Variants in ITPR1 observed in about 807,000 individuals in gnomAD.
The protein encoded by ITPR1 is inositol 1,4,5-trisphosphate receptor type 1.
ITPR1 carries 96 observed loss-of-function variants against 318.4 expected under a neutral mutation model. The ratio of observed to expected loss-of-function variants is 0.30; its 90% CI spans 0.26 to 0.36. The LOEUF (loss-of-function observed/expected upper bound fraction) is 0.36. Among genes scored for constraint, ITPR1 ranks in the 10% least tolerant of loss-of-function variants. The probability of loss-of-function intolerance (pLI) is 1.00; values close to 1 mark genes in which losing one functional copy is unlikely to be tolerated. For synonymous variants in ITPR1, 1,312 were observed against 1,289.9 expected, an observed-to-expected ratio of 1.02 and a Z score of -0.37; for missense variants, 2,440 against 3,460.2, an observed-to-expected ratio of 0.71 and a Z score of 7.40.
At chr3:4,711,036 A>G (rs1235484161) in intron 38 of ITPR1, among the ~76,000 whole-genome samples, 1 of 151,780 alleles carries the variant, frequency 6.6e-6, no homozygotes, top group African/African-American at 2.4e-5. Context: ...ACATGGTGAA[A>G]CCCTATCTTG....
chr3:4,791,576 A>G (rs953254479), intron 52 of ITPR1, among the ~76,000 whole-genome samples: 1 of 152,214 alleles, frequency 6.6e-6, no homozygotes, highest in African/African-American at 2.4e-5. Context: ...GCTATGGGCC[A>G]GAACTGGTCT....
intron 43 of ITPR1, among the ~76,000 whole-genome samples, chr3:4,734,456 G>C (rs2125320104): frequency 6.6e-6 from 1 of 152,312 alleles, no homozygotes; most frequent in East Asian, 1.9e-4. Flanking sequence ...CTGCACGAAA[G>C]GACAGATAGA....
At chr3:4,774,904 CA>C (rs1344665735) in intron 46 of ITPR1, among the ~76,000 whole-genome samples, 1 of 152,198 alleles carries the variant, frequency 6.6e-6, no homozygotes, top group Non-Finnish European at 1.5e-5. Context: ...CCTCTGAACT[CA>C]ACACCTGATG....
chr3:4,809,572 A>T (rs1367081137), intron 55 of ITPR1, among the ~76,000 whole-genome samples: 1 of 148,954 alleles, frequency 6.7e-6, no homozygotes, highest in Non-Finnish European at 1.5e-5. Context: ...CTAGATGGTG[A>T]ATTATTAGTG....
intron 4 of ITPR1, among the ~76,000 whole-genome samples, chr3:4,621,369 C>A (rs2092624788): frequency 6.6e-6 from 1 of 152,092 alleles, no homozygotes; most frequent in East Asian, 1.9e-4. Context: ...ACAACTAGAT[C>A]TTGCGAGCAC....
intron 49 of ITPR1, 76 bp from the exon 50 acceptor site, chr3:4,782,543 G>A (rs917752119): frequency 9.0e-6 from 13 of 1,444,552 alleles, no homozygotes; most frequent in Non-Finnish European, 1.2e-5. Context: ...GAGACAGCCA[G>A]TGTGCATGCT....
At chr3:4,840,734 G>C (rs2051283765) in intron 61 of ITPR1, among the ~76,000 whole-genome samples, 1 of 152,150 alleles carries the variant, frequency 6.6e-6, no homozygotes, top group Non-Finnish European at 1.5e-5. Context: ...TCATCTTGAA[G>C]TTTCCCCTCC....
Position 4,792,942 on chromosome 3 carries a change from G to A in ITPR1, c.6809-2123G>A, listed in dbSNP as rs950232278. On this transcript the variant is annotated intron_variant, in intron 52 of 61. Transcript: ENST00000649015. ...CGAGTGTGCAGAGGCTGGAGAGTGC[G>A]GGGTGTGTTCGGGAACCACCACTAG... Among the ~76,000 whole-genome samples the A allele has an allele frequency of 1.3e-4, 20 of 152,250 alleles. 1 individual carries two copies. The highest frequency in any genetic ancestry group is 1.2e-3 in the East Asian group (6 of 5,182).
chr3:4,735,331 G>A lies in ITPR1; in HGVS notation c.5521G>A (p.Glu1841Lys). 1 of 1,613,906 alleles carries A rather than the reference G, an allele frequency of 6.2e-7. No homozygotes were observed. The highest frequency in any genetic ancestry group is 2.2e-5 in the East Asian group (1 of 44,880). Residue 1841 changes from glutamate to lysine, a missense_variant, in exon 44 of 62, where the codon GAA (glutamate) becomes AAA (lysine). Coordinates refer to ENST00000649015, the MANE Select transcript of ITPR1 (RefSeq NM_001378452.1). The stretch of plus-strand genomic sequence containing the variant: ...CATTCTCCTGGCCATTGCCCTTCTG[G>A]AAGGAGGCAACACCACCATCCAGGT... ...ESILLAIALL[E>K]GGNTTIQHSF...
chr3:4,762,651 A>C (rs2045533368), intron 44 of ITPR1, among the ~76,000 whole-genome samples: 1 of 152,236 alleles, frequency 6.6e-6, no homozygotes, highest in Non-Finnish European at 1.5e-5. Context: ...ATGTGGATTC[A>C]GAGAGGCTGG....
At chr3:4,754,211 T>C (rs2044778293) in intron 44 of ITPR1, among the ~76,000 whole-genome samples, 1 of 152,054 alleles carries the variant, frequency 6.6e-6, no homozygotes, top group Non-Finnish European at 1.5e-5. Context: ...TTTCCAGAGA[T>C]CGACTCCCCT....
At chr3:4,711,560 A>G in intron 38 of ITPR1, 197 bp from the exon 39 acceptor site, 1 of 551,140 alleles carries the variant, frequency 1.8e-6, no homozygotes, top group Non-Finnish European at 3.2e-6. Flanking sequence ...GCTGTGATTT[A>G]CCAGCAGGTG....
At chr3:4,630,904 T>G (rs1314182616) in intron 5 of ITPR1, among the ~76,000 whole-genome samples, 1 of 152,166 alleles carries the variant, frequency 6.6e-6, no homozygotes, top group Non-Finnish European at 1.5e-5. Flanking sequence ...CATTATTTTT[T>G]ACAATTCACT....
intron 44 of ITPR1, among the ~76,000 whole-genome samples, chr3:4,761,563 T>C (rs979704284): frequency 6.6e-6 from 1 of 152,208 alleles, no homozygotes; most frequent in Non-Finnish European, 1.5e-5. Flanking sequence ...TCACCTGATG[T>C]TTCCCAGTCT....
At chr3:4,811,500 T>A in intron 56 of ITPR1, 40 bp downstream of exon 56, 1 of 1,520,028 alleles carries the variant, frequency 6.6e-7, no homozygotes, top group South Asian at 1.1e-5. Context: ...TGCTAAAAGA[T>A]TATTTCCTGA....
chr3:4,611,499 G>A (rs756658916), intron 4 of ITPR1, among the ~76,000 whole-genome samples: 2 of 151,848 alleles, frequency 1.3e-5, no homozygotes, highest in African/African-American at 4.8e-5. Flanking sequence ...GGCAGAGGTT[G>A]CAGTGAGCCG....
chr3:4,700,622 G>A (rs2094632953), intron 35 of ITPR1, among the ~76,000 whole-genome samples: 1 of 152,214 alleles, frequency 6.6e-6, no homozygotes, highest in Admixed American at 6.5e-5. Context: ...CCTCAGGAAT[G>A]AAGAAAGGGG....
At chr3:4,699,076 T>C (rs1434355030) in intron 34 of ITPR1, among the ~76,000 whole-genome samples, 2 of 151,874 alleles carry the variant, frequency 1.3e-5, no homozygotes, top group Non-Finnish European at 2.9e-5. Flanking sequence ...AGGCCAGGTG[T>C]GGTGGCTCAC....
chr3:4,843,685 A>C (rs2051541068), intron 61 of ITPR1, among the ~76,000 whole-genome samples: 1 of 152,244 alleles, frequency 6.6e-6, no homozygotes, highest in Non-Finnish European at 1.5e-5. Context: ...ACCTGAGCAA[A>C]GAATTGGCCA....
Sources: allele counts gnomAD v4.1 joint callset (sites outside exome capture counted in the v4.1 genomes callset), GRCh38; gene constraint gnomAD v4.1.1; transcripts MANE v1.5; gene names NCBI Gene and HGNC (gene_info 2026-07-23, HGNC 2026-07-21).